RUNX1: variants seen among roughly 807,000 people sequenced by gnomAD.
The protein encoded by RUNX1 is RUNX family transcription factor 1.
Under a neutral mutation model 42.8 loss-of-function variants are expected in RUNX1, and 19 were observed. The ratio of observed to expected loss-of-function variants is 0.44; its 90% CI spans 0.31 to 0.65. The LOEUF (loss-of-function observed/expected upper bound fraction) is 0.65, where lower values mean the gene tolerates loss of function less well. Among genes scored for constraint, RUNX1 ranks in the 30% least tolerant of loss-of-function variants. The pLI is 0.07. For missense variants in RUNX1, 528 were observed against 672.0 expected, an observed-to-expected ratio of 0.79 and a Z score of 2.37; for synonymous variants, 271 against 289.4, an observed-to-expected ratio of 0.94 and a Z score of 0.64.
Position 34,888,280 on chromosome 21 carries a change from G to A in RUNX1, c.98-1184C>T, listed in dbSNP as rs1569085974. The A allele has an allele frequency of 2.8e-6, 3 of 1,067,484 alleles. No individual in the cohort carries two copies. In the East Asian group the frequency reaches 1.5e-4, roughly 53 times the overall value. The allele number at this position is 1,067,484 out of a possible 1,614,324, so 66.1% of individuals were successfully genotyped here. ...GGAGCGGGCCTTGAGGGAGGGCTCC[G>A]CGGCGCAGATCGAAACAGATCGGGC... On this transcript the variant is annotated intron_variant, in intron 3 of 8. Coordinates refer to ENST00000675419, the MANE Select transcript of RUNX1 (RefSeq NM_001754.5).
At chr21:34,954,180 A>G (rs577301870) in intron 2 of RUNX1, among the ~76,000 whole-genome samples, 1 of 152,336 alleles carries the variant, frequency 6.6e-6, no homozygotes, top group South Asian at 2.1e-4. Context: ...CTTAAGCTAC[A>G]GAAAGAGTCA....
In RUNX1 at chr21:34,931,509, A is replaced by G. The variant is rs1255983754; in HGVS notation, c.59-38546T>C. Among the ~76,000 whole-genome samples the G allele has an allele frequency of 3.5e-5, 5 of 142,940 alleles. No individual in the cohort carries two copies. The East Asian group carries it at 9.8e-4, about 28-fold the overall frequency. 93.8% of individuals were successfully genotyped at this position (142,940 alleles called of 152,430 possible). ...TAATGTATATGTATTATGCACATGT[A>G]TATGTATTACATTATATATACACGT... On this transcript the variant is annotated intron_variant, in intron 2 of 8. Coordinates refer to ENST00000675419, the MANE Select transcript of RUNX1 (RefSeq NM_001754.5).
intron 2 of RUNX1, among the ~76,000 whole-genome samples, chr21:35,004,345 A>T (rs2059068068): frequency 6.6e-6 from 1 of 152,236 alleles, no homozygotes; most frequent in Admixed American, 6.5e-5. Flanking sequence ...AGCTAGAACC[A>T]AGACACCACT....
chr21:35,031,064 G>A (rs1191416748), intron 2 of RUNX1, among the ~76,000 whole-genome samples: 1 of 152,150 alleles, frequency 6.6e-6, no homozygotes, highest in African/African-American at 2.4e-5. Context: ...AAAGTTAAGA[G>A]ATGGCCGGGT....
chr21:34,847,408 T>C (rs1449716157), intron 6 of RUNX1, among the ~76,000 whole-genome samples: 2 of 152,192 alleles, frequency 1.3e-5, no homozygotes, highest in South Asian at 2.1e-4. Flanking sequence ...CGAGATAATA[T>C]CTACTTTCAA....
chr21:34,881,194 T>C (rs777506472), intron 4 of RUNX1, among the ~76,000 whole-genome samples: 8 of 152,212 alleles, frequency 5.3e-5, no homozygotes, highest in Non-Finnish European at 1.0e-4. Context: ...GTTTGTAAGT[T>C]TATAATCCAA....
At chr21:34,812,191 T>C (rs2056767054) in intron 7 of RUNX1, among the ~76,000 whole-genome samples, 1 of 152,208 alleles carries the variant, frequency 6.6e-6, no homozygotes, top group African/African-American at 2.4e-5. Context: ...ATCACTTTCT[T>C]CTATGGTATC....
intron 8 of RUNX1, chr21:34,797,967 C>A (rs899766516): frequency 1.3e-5 from 6 of 455,860 alleles, no homozygotes; most frequent in African/African-American, 8.0e-5. Context: ...ACAGACCCCC[C>A]CCAACAAAGA....
chr21:34,943,649 T>C (rs2058544289), intron 2 of RUNX1, among the ~76,000 whole-genome samples: 2 of 152,148 alleles, frequency 1.3e-5, no homozygotes, highest in Non-Finnish European at 2.9e-5. Flanking sequence ...GTTGTTTATG[T>C]TGATGTTTTT....
chr21:34,948,477 G>A (rs1237527199), intron 2 of RUNX1, among the ~76,000 whole-genome samples: 1 of 152,164 alleles, frequency 6.6e-6, no homozygotes, highest in Admixed American at 6.5e-5. Context: ...AGAGGTCCAA[G>A]GTGCTTTGCT....
At chr21:34,912,210 T>C (rs1319359700) in intron 2 of RUNX1, among the ~76,000 whole-genome samples, 2 of 148,474 alleles carry the variant, frequency 1.3e-5, no homozygotes, top group African/African-American at 5.0e-5. Context: ...CCAGCCTACG[T>C]ACCCTGAGGC....
At chr21:34,825,585 T>C (rs1468597152) in intron 7 of RUNX1, among the ~76,000 whole-genome samples, 2 of 152,208 alleles carry the variant, frequency 1.3e-5, no homozygotes, top group Non-Finnish European at 2.9e-5. Context: ...ACCATGTTTG[T>C]TCTGGGGGAT....
chr21:34,838,609 C>T (rs2057184306), intron 6 of RUNX1, among the ~76,000 whole-genome samples: 1 of 152,186 alleles, frequency 6.6e-6, no homozygotes, highest in South Asian at 2.1e-4. Context: ...ATTGGATACT[C>T]ACTACATGAA....
intron 6 of RUNX1, among the ~76,000 whole-genome samples, chr21:34,840,450 G>A (rs190028692): frequency 1.8e-4 from 27 of 152,274 alleles, no homozygotes; most frequent in Admixed American, 3.9e-4. Flanking sequence ...TGGAAGCCTG[G>A]AATTAAGAGA....
At chr21:35,031,031 C>G (rs895145955) in intron 2 of RUNX1, among the ~76,000 whole-genome samples, 1 of 152,186 alleles carries the variant, frequency 6.6e-6, no homozygotes, top group Non-Finnish European at 1.5e-5. Flanking sequence ...TCACCTCACA[C>G]CTGGTAGGAA....
chr21:34,926,889 G>A (rs1185504396), intron 2 of RUNX1, among the ~76,000 whole-genome samples: 1 of 152,116 alleles, frequency 6.6e-6, no homozygotes, highest in Non-Finnish European at 1.5e-5. Flanking sequence ...CAACAGAAAA[G>A]TGTGAGGCAA....
At chr21:34,890,480 T>C (rs1399964797) in intron 3 of RUNX1, among the ~76,000 whole-genome samples, 2 of 152,040 alleles carry the variant, frequency 1.3e-5, no homozygotes, top group African/African-American at 4.8e-5. Context: ...TCGGGGTCTC[T>C]TCCCGAAGCC....
Position 34,792,357 on chromosome 21 carries a change from G to A in RUNX1, c.1221C>T (p.Tyr407=), listed in dbSNP as rs914897271. ...QASSPSYHLY[Y]GASAGSYQFS... Reference sequence around the variant, plus strand: ...ACTGGTAGGAGCCGGCCGAGGCGCCGTAGTACAGGTGGTAGGAGGGCGAGC... The same window carrying A: ...ACTGGTAGGAGCCGGCCGAGGCGCCATAGTACAGGTGGTAGGAGGGCGAGC... The change falls in exon 9 of 9, where the codon TAC becomes TAT. Residue 407 remains tyrosine, a synonymous_variant. Transcript: ENST00000675419. This position sits in a 1 kb window ranked among gnomAD's most constrained non-coding sequence, Gnocchi z 6.9. 5 of 1,557,512 alleles carry A rather than the reference G, an allele frequency of 3.2e-6. No individual in the cohort carries two copies. Among genetic ancestry groups the A allele is most frequent in the Non-Finnish European group, 2.6e-6 (3 of 1,150,768 alleles).
intron 6 of RUNX1, among the ~76,000 whole-genome samples, chr21:34,857,060 T>C (rs1278432522): frequency 6.6e-6 from 1 of 152,236 alleles, no homozygotes; most frequent in Non-Finnish European, 1.5e-5. Flanking sequence ...GGAGTCTGCA[T>C]GCACTTGGCT....
Sources: allele counts gnomAD v4.1 joint callset (sites outside exome capture counted in the v4.1 genomes callset), GRCh38; gene constraint gnomAD v4.1.1; non-coding constraint Gnocchi (gnomAD v3.1); transcripts MANE v1.5; gene names NCBI Gene and HGNC (gene_info 2026-07-23, HGNC 2026-07-21).